The following NRK variants were observed in gnomAD, a reference collection of about 807,000 sequenced individuals.
NRK encodes nik-related protein kinase.
A neutral mutation model predicts 125.2 loss-of-function variants in NRK; 67 were observed. The ratio of observed to expected loss-of-function variants is 0.54; its 90% CI spans 0.44 to 0.66. The LOEUF is 0.66. NRK is among the 30% of genes least tolerant of loss of function. The pLI is 0.00. For synonymous variants in NRK, 458 were observed against 429.0 expected (o/e 1.07, Z -0.84); for missense variants, 1,224 against 1,192.9 (o/e 1.03, Z -0.38).
chrX:105,919,131 G>A (rs2040405890), intron 16 of NRK, among the ~76,000 whole-genome samples: 4 of 110,172 alleles, frequency 3.6e-5, no homozygotes. Context: ...TTTTGGAGTT[G>A]GAGTATCTAT....
In NRK at chrX:105,924,773, C is replaced by G; in HGVS notation, c.3054C>G (p.Gly1018=). 8.3e-7 allele frequency: 1 copy of G among 1,207,523 alleles called. No individual in the cohort carries two copies. Among genetic ancestry groups the G allele is most frequent in the Non-Finnish European group, 1.1e-6 (1 of 893,038 alleles). ...GSRGKEEAYR[G]YGSHTANRSH... ...GTGGAAAAGAGGAAGCCTACAGAGG[C>G]TATGGAAGCCATACAGCCAATAGAA... The change falls in exon 19 of 29, where the codon GGC becomes GGG. Residue 1018 remains glycine (G), a synonymous_variant. Coordinates refer to ENST00000243300, the MANE Select transcript of NRK (RefSeq NM_198465.4).
At chrX:105,848,149 C>T (rs185357413) in intron 2 of NRK, among the ~76,000 whole-genome samples, 103 of 111,754 alleles carry the variant, frequency 9.2e-4, no homozygotes, top group African/African-American at 3.1e-3. Flanking sequence ...GCTGATAGGA[C>T]TCCATTCAGG....
intron 14 of NRK, among the ~76,000 whole-genome samples, chrX:105,913,199 G>A (rs1181007687): frequency 9.0e-6 from 1 of 111,428 alleles, no homozygotes; most frequent in Non-Finnish European, 1.9e-5. Context: ...ATAGGTAGTG[G>A]GAAAGAGTCA....
chrX:105,889,755 CT>C (rs1456118378), intron 5 of NRK, among the ~76,000 whole-genome samples: 1 of 112,423 alleles, frequency 8.9e-6, no homozygotes, highest in Admixed American at 9.4e-5. Flanking sequence ...ACCTTGGCCC[CT>C]TTTAGCCACA....
intron 2 of NRK, among the ~76,000 whole-genome samples, chrX:105,875,646 A>T (rs1025463256): frequency 2.7e-4 from 30 of 110,232 alleles, no homozygotes; most frequent in Non-Finnish European, 4.6e-4. Flanking sequence ...CTGAATTATT[A>T]TTTATTATTA....
At position 105,949,651 on chromosome X, in the gene NRK, A is replaced by G. The variant is rs763175892; in HGVS notation, c.4430A>G (p.Asn1477Ser). ...CLGIGMMLTF[N>S]AEALSVEANE... ...GGAATTGGCATGATGCTCACCTTCA[A>G]TGCTGAAGCCCTCTCTGTGGAAGCA... The change falls in exon 27 of 29, where the codon AAT (asparagine) becomes AGT (serine). Residue 1477 changes from asparagine to serine, a missense_variant. By Grantham distance (46) the Asn-to-Ser change is conservative. Transcript: ENST00000243300. 19 of 1,193,486 alleles carry G rather than the reference A, an allele frequency of 1.6e-5. No homozygotes were observed. The East Asian group carries it at 2.7e-4, about 17-fold the overall frequency.
At chrX:105,827,332 C>G in intron 1 of NRK, among the ~76,000 whole-genome samples, 1 of 112,147 alleles carries the variant, frequency 8.9e-6, no homozygotes, top group East Asian at 2.8e-4. Context: ...CTTTTTGCAG[C>G]CTGACTGCTG....
chrX:105,953,872 GAGATTGC>G (rs2040936375), intron 28 of NRK, among the ~76,000 whole-genome samples: 1 of 111,236 alleles, frequency 9.0e-6, no homozygotes, highest in Non-Finnish European at 1.9e-5. Context: ...ATGTTGAGAA[GAGATTGC>G]AGAGGGTTTG....
chrX:105,827,885 C>T (rs948329186), intron 1 of NRK, among the ~76,000 whole-genome samples: 3 of 111,632 alleles, frequency 2.7e-5, no homozygotes, highest in South Asian at 3.7e-4. Flanking sequence ...GTCATAGATA[C>T]GAACATCTAC....
intron 2 of NRK, among the ~76,000 whole-genome samples, chrX:105,870,664 T>C (rs1314423351): frequency 8.9e-6 from 1 of 111,838 alleles, no homozygotes; most frequent in South Asian, 3.7e-4. Flanking sequence ...TACTATGTAT[T>C]TTGACCTATT....
At chrX:105,940,546 G>A (rs764223935) in intron 23 of NRK, among the ~76,000 whole-genome samples, 3 of 111,033 alleles carry the variant, frequency 2.7e-5, no homozygotes, top group South Asian at 3.8e-4. Flanking sequence ...TCTGTGATCT[G>A]CTGGCTCTCA....
At chrX:105,906,893 T>C (rs2040227800) in intron 11 of NRK, among the ~76,000 whole-genome samples, 1 of 109,243 alleles carries the variant, frequency 9.2e-6, no homozygotes, top group African/African-American at 3.3e-5. Flanking sequence ...TTTTGTGATA[T>C]GCCAATTTTA....
intron 2 of NRK, among the ~76,000 whole-genome samples, chrX:105,863,321 G>GACACACACACACAC (rs769445045): frequency 1.3e-4 from 8 of 60,457 alleles, no homozygotes; most frequent in African/African-American, 5.1e-4. Context: ...AATAGTAACA[G>GACACACACACACAC]ACACACACAC....
intron 4 of NRK, among the ~76,000 whole-genome samples, chrX:105,887,618 C>T (rs2039964101): frequency 8.9e-6 from 1 of 112,069 alleles, no homozygotes; most frequent in Non-Finnish European, 1.9e-5. Context: ...AAACATCCCT[C>T]AATTGATGAA....
At position 105,922,076 on chromosome X, in the gene NRK, T is replaced by G. The variant is rs976989263; in HGVS notation, c.2610+15T>G. 1.2e-6 allele frequency: 1 copy of G among 822,355 alleles called. No homozygotes were observed. 67.8% of individuals were successfully genotyped at this position (822,355 alleles called of 1,213,427 possible). On this transcript the variant is annotated intron_variant, in intron 17 of 28. Transcript: ENST00000243300. ...TTGACATCCATGTAAGTTTCCATCT[T>G]AACACATTAATGTCTATTATTTTTT...
chrX:105,909,990 G>T (rs757284450), intron 13 of NRK, 108 bp downstream of exon 13: 60 of 609,424 alleles, frequency 9.8e-5, no homozygotes, highest in Non-Finnish European at 1.4e-4. Flanking sequence ...TATTCCTTGT[G>T]TTCTACAGAA....
intron 1 of NRK, 23 bp from the exon 2 acceptor site, chrX:105,831,031 A>G (rs1241746236): frequency 4.9e-6 from 5 of 1,022,883 alleles, no homozygotes; most frequent in Non-Finnish European, 6.8e-6. Context: ...AAGATTAACA[A>G]TTTTTATTTT....
At chrX:105,822,153 G>A (rs1243015684), upstream of NRK, among the ~76,000 whole-genome samples, 1 of 112,451 alleles carries the variant, frequency 8.9e-6, no homozygotes, top group East Asian at 2.8e-4. Flanking sequence ...GGAAGTCTAG[G>A]GCGCGGGTTG....
chrX:105,955,678 G>A lies in NRK; in HGVS notation c.*78G>A, dbSNP rs1345929146. 2.0e-6 allele frequency: 1 copy of A among 511,830 alleles called. No individual in the cohort carries two copies. The highest frequency in any genetic ancestry group is 3.7e-5 in the East Asian group (1 of 26,790). 42.2% of individuals were successfully genotyped at this position (511,830 alleles called of 1,213,427 possible). A position where few individuals can be genotyped will look rare whatever the true frequency, so the allele number is the denominator to read the frequency against. ...CATCTTCAGATTTCAGAGATTAAAT[G>A]AGTATTCAGTTTTATTTTTAGTAAA... is the stretch of plus-strand genomic sequence containing the variant. On this transcript the variant is annotated 3_prime_UTR_variant, in exon 29 of 29. Transcript: ENST00000243300.
Sources: allele counts gnomAD v4.1 joint callset (sites outside exome capture counted in the v4.1 genomes callset), GRCh38; gene constraint gnomAD v4.1.1; transcripts MANE v1.5; gene names NCBI Gene and HGNC (gene_info 2026-07-23, HGNC 2026-07-21).